CNTNAP3B: variants seen among roughly 807,000 people sequenced by gnomAD.
The protein encoded by CNTNAP3B is contactin associated protein family member 3B.
CNTNAP3B carries 25 observed loss-of-function variants against 108.9 expected under a neutral mutation model. The ratio of observed to expected loss-of-function variants is 0.23; its 90% CI spans 0.17 to 0.32. The LOEUF (loss-of-function observed/expected upper bound fraction) is 0.32. Ranked by LOEUF, CNTNAP3B falls within the 10% of genes least tolerant of loss-of-function variation. The pLI is 1.00. For missense variants in CNTNAP3B, 252 were observed against 1,210.4 expected (o/e 0.21, Z 11.75); for synonymous variants, 103 against 473.4 (o/e 0.22, Z 10.16).
At chr9:41,933,642 C>T (rs1321376488) in intron 14 of CNTNAP3B, among the ~76,000 whole-genome samples, 22 of 152,364 alleles carry the variant, frequency 1.4e-4, no homozygotes, top group African/African-American at 4.6e-4. Flanking sequence ...ACTTACTGAA[C>T]TCTCATTTTT....
At chr9:42,098,325 G>A (rs1827951177) in intron 2 of CNTNAP3B, among the ~76,000 whole-genome samples, 1 of 126,240 alleles carries the variant, frequency 7.9e-6, no homozygotes, top group Non-Finnish European at 1.6e-5. Flanking sequence ...TGTAATCCCA[G>A]CACTCTGGGA....
chr9:42,080,430 T>A lies in CNTNAP3B; in HGVS notation c.197-3368A>T, dbSNP rs1199463908. On this transcript the variant is annotated intron_variant, in intron 2 of 23. Coordinates refer to ENST00000377561, the MANE Select transcript of CNTNAP3B (RefSeq NM_001201380.3). ...TCCCAGATGCATTTTAAGGGTAAGC[T>A]GCTGTGCACACAATTTAATTAAACG... 5.0e-5 allele frequency among the ~76,000 whole-genome samples: 7 copies of A among 139,808 alleles called. 2 individuals are homozygous for A. Among genetic ancestry groups the A allele is most frequent in the Non-Finnish European group, 9.2e-5 (6 of 65,152 alleles). The allele number at this position is 139,808 out of a possible 152,430, so 91.7% of individuals were successfully genotyped here. A position where few individuals can be genotyped will look rare whatever the true frequency, so the allele number is the denominator to read the frequency against.
intron 2 of CNTNAP3B, among the ~76,000 whole-genome samples, chr9:42,094,195 T>G (rs1294736604): frequency 7.2e-6 from 1 of 139,160 alleles, no homozygotes; most frequent in Non-Finnish European, 1.5e-5. Context: ...ATATGATAAA[T>G]GCTGAGAGCT....
chr9:42,054,139 A>C (rs1827011315), intron 3 of CNTNAP3B, among the ~76,000 whole-genome samples: 1 of 116,202 alleles, frequency 8.6e-6, no homozygotes, highest in East Asian at 3.1e-4. Flanking sequence ...GGATTTCTTC[A>C]TTGTAGCTTG....
chr9:42,053,548 G>A (rs1242869161), intron 3 of CNTNAP3B, among the ~76,000 whole-genome samples: 1 of 137,560 alleles, frequency 7.3e-6, no homozygotes, highest in Non-Finnish European at 1.5e-5. Context: ...TCACATGACA[G>A]AAGAGAAATT....
intron 13 of CNTNAP3B, among the ~76,000 whole-genome samples, chr9:41,944,267 G>T (rs1338783698): frequency 2.7e-5 from 4 of 148,266 alleles, no homozygotes; most frequent in South Asian, 2.2e-4. Context: ...CATTAGAGAA[G>T]AAAAAAATTA....
intron 3 of CNTNAP3B, among the ~76,000 whole-genome samples, chr9:42,047,056 G>C (rs1226656955): frequency 1.3e-5 from 1 of 79,724 alleles, no homozygotes. Context: ...CCTATGCAAT[G>C]TATATTAAAT....
chr9:41,958,027 G>A (rs1286770962), intron 12 of CNTNAP3B, among the ~76,000 whole-genome samples: 3 of 152,290 alleles, frequency 2.0e-5, no homozygotes, highest in Non-Finnish European at 4.4e-5. Context: ...CTCCCACAGT[G>A]CTGGGATTAC....
Position 41,924,680 on chromosome 9 carries a change from C to T in CNTNAP3B, c.2366-587G>A, listed in dbSNP as rs1427049864. On this transcript the variant is annotated intron_variant, in intron 15 of 23. Coordinates refer to ENST00000377561, the MANE Select transcript of CNTNAP3B (RefSeq NM_001201380.3). ...ACACACACACACACACACACACACA[C>T]ACACACACACAGTCTTAATTCCTTT... Among the ~76,000 whole-genome samples, 987 of 145,026 alleles carry T rather than the reference C, an allele frequency of 6.8e-3. 5 individuals carry two copies. The highest frequency in any genetic ancestry group is 0.021 in the African/African-American group (813 of 38,954).
At position 42,121,205 on chromosome 9, in the gene CNTNAP3B, C is replaced by T. The variant is rs1194771778; in HGVS notation, c.85+7805G>A. 1.4e-5 allele frequency among the ~76,000 whole-genome samples: 2 copies of T among 138,348 alleles called. 1 individual carries two copies. The highest frequency in any genetic ancestry group is 3.1e-5 in the Non-Finnish European group (2 of 64,790). 90.8% of individuals were successfully genotyped at this position (138,348 alleles called of 152,430 possible). A position where few individuals can be genotyped will look rare whatever the true frequency, so the allele number is the denominator to read the frequency against. On this transcript the variant is annotated intron_variant, in intron 1 of 23. Coordinates refer to ENST00000377561, the MANE Select transcript of CNTNAP3B (RefSeq NM_001201380.3). ...GCTGTGAAACACATTCTACCGGCTT[C>T]CTGAGAGCTTCCCAGGGAGTTCACG...
intron 12 of CNTNAP3B, among the ~76,000 whole-genome samples, chr9:41,956,139 C>A (rs1219474348): frequency 1.3e-5 from 2 of 152,236 alleles, no homozygotes; most frequent in Non-Finnish European, 2.9e-5. Flanking sequence ...GTAATCCCAG[C>A]ACTTTGGGAG....
At chr9:42,030,909 C>T (rs1395395434) in intron 3 of CNTNAP3B, among the ~76,000 whole-genome samples, 3 of 108,980 alleles carry the variant, frequency 2.8e-5, no homozygotes, top group Admixed American at 9.3e-5. Context: ...GGGTTCTCAG[C>T]CTCTTTCAAG....
chr9:41,950,313 A>G (rs1032916359), intron 13 of CNTNAP3B, among the ~76,000 whole-genome samples: 2 of 116,410 alleles, frequency 1.7e-5, no homozygotes, highest in African/African-American at 6.6e-5. Flanking sequence ...CCATTCTAGA[A>G]AACAATTTGG....
intron 15 of CNTNAP3B, among the ~76,000 whole-genome samples, chr9:41,925,020 G>A (rs1823775147): frequency 6.6e-6 from 1 of 151,584 alleles, no homozygotes; most frequent in African/African-American, 2.4e-5. Context: ...CAGCAATGCT[G>A]ATAAGCCCAT....
intron 10 of CNTNAP3B, among the ~76,000 whole-genome samples, chr9:41,968,564 A>G: frequency 6.9e-6 from 1 of 143,896 alleles, no homozygotes; most frequent in South Asian, 2.2e-4. Flanking sequence ...CCTACAAATC[A>G]ACAGAATGTT....
chr9:41,933,249 G>C (rs1369973870), intron 14 of CNTNAP3B, among the ~76,000 whole-genome samples: 26 of 152,270 alleles, frequency 1.7e-4, no homozygotes, highest in African/African-American at 6.0e-4. Context: ...CCTGTGCACT[G>C]TAGGATGCTC....
At chr9:42,110,697 C>A (rs1263042456) in intron 1 of CNTNAP3B, among the ~76,000 whole-genome samples, 3 of 137,578 alleles carry the variant, frequency 2.2e-5, no homozygotes, top group African/African-American at 5.8e-5. Flanking sequence ...GGTGCCCATA[C>A]CTTCTTCAGG....
At chr9:41,965,401 C>T (rs1249812951) in intron 10 of CNTNAP3B, among the ~76,000 whole-genome samples, 45 of 151,370 alleles carry the variant, frequency 3.0e-4, no homozygotes, top group Non-Finnish European at 4.3e-4. Flanking sequence ...AGCATGCCTG[C>T]CTCTCAGGAT....
At chr9:41,979,835 G>T (rs576974172) in intron 9 of CNTNAP3B, 1 of 119,710 alleles carries the variant, frequency 8.4e-6, no homozygotes, top group Non-Finnish European at 1.6e-5. Context: ...GTGATCCGCC[G>T]GCCTCAGCCT....
Sources: allele counts gnomAD v4.1 joint callset (sites outside exome capture counted in the v4.1 genomes callset), GRCh38; gene constraint gnomAD v4.1.1; transcripts MANE v1.5; gene names NCBI Gene and HGNC (gene_info 2026-07-23, HGNC 2026-07-21).